The following ALMS1 variants were observed in gnomAD, a reference collection of about 807,000 sequenced individuals.
ALMS1 encodes ALMS1 centrosome and basal body associated protein, also known as centrosome-associated protein ALMS1.
In ALMS1, 271 loss-of-function variants were observed where a neutral mutation model predicts 352.2. The observed-to-expected ratio is 0.77, with a 90% CI of 0.70 to 0.85. The LOEUF is 0.85. ALMS1 is among the 40% of genes least tolerant of loss of function. ALMS1 has a pLI of 0.00. For missense variants in ALMS1, 5,445 were observed against 4,870.7 expected, an observed-to-expected ratio of 1.12 and a Z score of -3.51; for synonymous variants, 1,865 against 1,761.2, an observed-to-expected ratio of 1.06 and a Z score of -1.48.
At chr2:73,607,979 G>A (rs968790896) in intron 21 of ALMS1, among the ~76,000 whole-genome samples, 1 of 151,980 alleles carries the variant, frequency 6.6e-6, no homozygotes, top group Admixed American at 6.5e-5. Context: ...CTATTCTTAA[G>A]ACCCAACTTA....
At chr2:73,505,021 G>A (rs1414870207) in intron 10 of ALMS1, among the ~76,000 whole-genome samples, 2 of 152,136 alleles carry the variant, frequency 1.3e-5, no homozygotes, top group African/African-American at 4.8e-5. Flanking sequence ...ATGGTTTCCA[G>A]CTTCATCCAT....
At chr2:73,482,845 G>T (rs1242588846) in intron 9 of ALMS1, among the ~76,000 whole-genome samples, 1 of 151,648 alleles carries the variant, frequency 6.6e-6, no homozygotes, top group Admixed American at 6.6e-5. Context: ...ATTTCTTCTA[G>T]ATTTTCTAGT....
intron 9 of ALMS1, among the ~76,000 whole-genome samples, chr2:73,479,600 A>G (rs1395333160): frequency 6.6e-6 from 1 of 152,128 alleles, no homozygotes; most frequent in Non-Finnish European, 1.5e-5. Flanking sequence ...GTATGAATGC[A>G]CCACAGTTTA....
intron 16 of ALMS1, among the ~76,000 whole-genome samples, chr2:73,592,784 T>C (rs1210216617): frequency 6.6e-6 from 1 of 152,246 alleles, no homozygotes; most frequent in African/African-American, 2.4e-5. Flanking sequence ...CTCATGTCTT[T>C]AATAAATACG....
At chr2:73,403,435 T>A (rs1298623850) in intron 1 of ALMS1, among the ~76,000 whole-genome samples, 1 of 152,206 alleles carries the variant, frequency 6.6e-6, no homozygotes, top group Admixed American at 6.5e-5. Flanking sequence ...TTACTATAAC[T>A]TTGTAATATA....
intron 9 of ALMS1, among the ~76,000 whole-genome samples, chr2:73,481,361 A>AG (rs1672699704): frequency 1.3e-5 from 2 of 152,114 alleles, no homozygotes; most frequent in South Asian, 4.1e-4. Context: ...TGTTTTTCTC[A>AG]GGTTTGTCAA....
intron 16 of ALMS1, among the ~76,000 whole-genome samples, chr2:73,579,287 C>T (rs10197409): frequency 0.37 from 55,927 of 150,012 alleles, 13,890 homozygotes; most frequent in African/African-American, 0.71. Flanking sequence ...CTTAAACTCA[C>T]GACCTCAGGT....
At chr2:73,426,615 A>G in intron 6 of ALMS1, 62 bp downstream of exon 6, 12 of 1,512,820 alleles carry the variant, frequency 7.9e-6, no homozygotes, top group Non-Finnish European at 1.1e-5. Context: ...GTTTCAGGAA[A>G]TGGTATTGTT....
At chr2:73,493,013 A>G (rs193249132) in intron 10 of ALMS1, among the ~76,000 whole-genome samples, 8 of 152,242 alleles carry the variant, frequency 5.3e-5, no homozygotes, top group Non-Finnish European at 1.2e-4. Context: ...TGACAATTTC[A>G]TATACAATTT....
At chr2:73,409,451 C>A (rs927041477) in intron 2 of ALMS1, among the ~76,000 whole-genome samples, 5 of 151,890 alleles carry the variant, frequency 3.3e-5, no homozygotes, top group Non-Finnish European at 7.4e-5. Context: ...TTCTTAAGAG[C>A]TTTTGTTTAT....
At chr2:73,495,945 T>G (rs1415711795) in intron 10 of ALMS1, among the ~76,000 whole-genome samples, 1 of 152,200 alleles carries the variant, frequency 6.6e-6, no homozygotes, top group Non-Finnish European at 1.5e-5. Flanking sequence ...AGTACAGTGT[T>G]TATCTGCAGT....
chr2:73,453,081 C>G lies in ALMS1; in HGVS notation c.6554C>G (p.Pro2185Arg). The change falls in exon 8 of 23, where the codon CCC becomes CGC. Residue 2185 changes from proline to arginine, a missense_variant. Transcript: ENST00000613296. Reference protein sequence around the residue: ...ADQITGLQTVPSGTYSHGENH... With the variant: ...ADQITGLQTVRSGTYSHGENH... ...CAAATTACCGGATTACAAACAGTTC[C>G]CTCTGGTACTTACTCACATGGTGAG... 1.2e-6 allele frequency: 2 copies of G among 1,614,036 alleles called. No individual in the cohort carries two copies. Among genetic ancestry groups the G allele is most frequent in the Non-Finnish European group, 1.7e-6 (2 of 1,180,006 alleles).
chr2:73,471,620 A>G (rs763731726), intron 9 of ALMS1, among the ~76,000 whole-genome samples: 3 of 151,974 alleles, frequency 2.0e-5, no homozygotes, highest in African/African-American at 7.2e-5. Context: ...AAGATATTCA[A>G]TATCGCTAAT....
intron 10 of ALMS1, among the ~76,000 whole-genome samples, chr2:73,506,849 T>C (rs140399207): frequency 8.5e-5 from 13 of 152,320 alleles, no homozygotes; most frequent in East Asian, 5.8e-4. Context: ...CATCCTTGCA[T>C]TGTGTCGGTT....
intron 22 of ALMS1, among the ~76,000 whole-genome samples, chr2:73,608,833 G>A (rs1675879182): frequency 6.6e-6 from 1 of 152,190 alleles, no homozygotes; most frequent in African/African-American, 2.4e-5. Context: ...TCACACACAG[G>A]AGTTCATTGA....
At chr2:73,464,345 C>T (rs1049833690) in intron 9 of ALMS1, among the ~76,000 whole-genome samples, 9 of 152,156 alleles carry the variant, frequency 5.9e-5, no homozygotes, top group Admixed American at 5.2e-4. Flanking sequence ...AGACAAAAAC[C>T]ACATGATTAT....
At chr2:73,494,470 C>G (rs1410244606) in intron 10 of ALMS1, among the ~76,000 whole-genome samples, 1 of 152,098 alleles carries the variant, frequency 6.6e-6, no homozygotes, top group Admixed American at 6.6e-5. Flanking sequence ...TTGATTTCAC[C>G]AGGTTTTTCC....
At chr2:73,566,645 G>A (rs1030746052) in intron 15 of ALMS1, among the ~76,000 whole-genome samples, 2 of 152,144 alleles carry the variant, frequency 1.3e-5, no homozygotes, top group African/African-American at 4.8e-5. Context: ...TAATGTGTGG[G>A]GTTTCCCCTC....
At chr2:73,463,306 A>C (rs1318358865) in intron 9 of ALMS1, among the ~76,000 whole-genome samples, 1 of 152,200 alleles carries the variant, frequency 6.6e-6, no homozygotes, top group African/African-American at 2.4e-5. Flanking sequence ...CTCACTCAAA[A>C]CCGCTCAACT....
Sources: allele counts gnomAD v4.1 joint callset (sites outside exome capture counted in the v4.1 genomes callset), GRCh38; gene constraint gnomAD v4.1.1; transcripts MANE v1.5; gene names NCBI Gene and HGNC (gene_info 2026-07-23, HGNC 2026-07-21).